The following TRPM3 variants were observed in gnomAD, a reference collection of about 807,000 sequenced individuals.
The protein encoded by TRPM3 is long transient receptor potential channel 3.
In TRPM3, 77 loss-of-function variants were observed where a neutral mutation model predicts 181.2. That is an observed-to-expected ratio of 0.42 (90% CI 0.35 to 0.51). The LOEUF (loss-of-function observed/expected upper bound fraction) is 0.51, where lower values mean the gene tolerates loss of function less well. Among genes scored for constraint, TRPM3 ranks in the 20% least tolerant of loss-of-function variants. The pLI is 0.01. For missense variants in TRPM3, 1,759 were observed against 2,196.7 expected (o/e 0.80, Z 3.98); for synonymous variants, 745 against 796.4 (o/e 0.94, Z 1.09).
chr9:71,271,774 C>T (rs1158665018), intron 1 of TRPM3, among the ~76,000 whole-genome samples: 1 of 152,102 alleles, frequency 6.6e-6, no homozygotes, highest in Non-Finnish European at 1.5e-5. Context: ...ACACAAAGTT[C>T]CAAGCACATG....
At chr9:70,890,128 A>C (rs1390800151) in intron 1 of TRPM3, among the ~76,000 whole-genome samples, 1 of 149,678 alleles carries the variant, frequency 6.7e-6, no homozygotes, top group Non-Finnish European at 1.5e-5. Flanking sequence ...ATACAATAAT[A>C]TAATCAGTAG....
intron 1 of TRPM3, among the ~76,000 whole-genome samples, chr9:70,974,518 G>A (rs527466599): frequency 6.6e-6 from 1 of 150,428 alleles, no homozygotes; most frequent in Non-Finnish European, 1.5e-5. Context: ...CAGCCTGGGC[G>A]ACAGAGCGAG....
At chr9:71,261,513 G>T (rs982410979) in intron 1 of TRPM3, among the ~76,000 whole-genome samples, 1 of 152,120 alleles carries the variant, frequency 6.6e-6, no homozygotes, top group Non-Finnish European at 1.5e-5. Context: ...CCGTCAATTC[G>T]TCAAACTATT....
In TRPM3 at chr9:71,048,830, A is replaced by G. The variant is rs183742917; in HGVS notation, c.177+72348T>C. ...AACCTCACCTGGATGCTGATGTGAG[A>G]GGAATATCTGGATGTATTTCTGTGA... On this transcript the variant is annotated intron_variant, in intron 1 of 25. Transcript: ENST00000677713. 1.2e-4 allele frequency among the ~76,000 whole-genome samples: 19 copies of G among 152,324 alleles called. 1 individual carries two copies. Among genetic ancestry groups the G allele is most frequent in the African/African-American group, 4.1e-4 (17 of 41,570 alleles).
chr9:70,864,682 T>C (rs989816208), intron 1 of TRPM3, among the ~76,000 whole-genome samples, 171 bp from the exon 2 acceptor site: 7 of 151,856 alleles, frequency 4.6e-5, no homozygotes, highest in Non-Finnish European at 7.4e-5. Context: ...TATAACAAAA[T>C]CAATTACTTC....
At chr9:71,367,817 G>A (rs2092384656) in intron 1 of TRPM3, among the ~76,000 whole-genome samples, 1 of 152,162 alleles carries the variant, frequency 6.6e-6, no homozygotes, top group Non-Finnish European at 1.5e-5. Context: ...TTGAGAAACA[G>A]GATACGCAGC....
chr9:70,629,215 C>CGGGTGGCGGGGGG (rs2065250202), intron 12 of TRPM3, among the ~76,000 whole-genome samples: 1 of 10,172 alleles, frequency 9.8e-5, no homozygotes, highest in African/African-American at 2.0e-4. Context: ...TGACCAGTGC[C>CGGGTGGCGGGGGG]GGGGGGGGGG....
chr9:71,048,158 C>A (rs1160175071), intron 1 of TRPM3, among the ~76,000 whole-genome samples: 3 of 152,036 alleles, frequency 2.0e-5, no homozygotes, highest in African/African-American at 7.2e-5. Flanking sequence ...TTGCACCAAC[C>A]AAATATTAAC....
chr9:71,432,773 T>C (rs1198601072), intron 1 of TRPM3, among the ~76,000 whole-genome samples: 3 of 152,198 alleles, frequency 2.0e-5, no homozygotes, highest in Non-Finnish European at 4.4e-5. Flanking sequence ...GACTAGATCC[T>C]ATTCTGAAAC....
Position 70,846,593 on chromosome 9 carries a change from TG to T in TRPM3, c.463-3del. 6.2e-7 allele frequency: 1 copy of T among 1,613,562 alleles called. No individual in the cohort carries two copies. Among genetic ancestry groups the T allele is most frequent in the Non-Finnish European group, 8.5e-7 (1 of 1,179,490 alleles). On this transcript the variant is annotated splice_region_variant and splice_polypyrimidine_tract_variant and intron_variant, in intron 3 of 25. Transcript: ENST00000677713. The stretch of plus-strand genomic sequence containing the variant: ...TGTATCAAAAGATACTCGCACATAC[TG>T]GAAGAAGAAAGGACATCAATTAGGG...
At chr9:70,687,656 AG>A (rs2067328520) in intron 8 of TRPM3, among the ~76,000 whole-genome samples, 1 of 152,228 alleles carries the variant, frequency 6.6e-6, no homozygotes, top group South Asian at 2.1e-4. Context: ...CACGTTGAAG[AG>A]AAGCAAAATC....
At chr9:71,113,388 A>T (rs1245483102) in intron 1 of TRPM3, among the ~76,000 whole-genome samples, 2 of 152,274 alleles carry the variant, frequency 1.3e-5, no homozygotes, top group Non-Finnish European at 2.9e-5. Flanking sequence ...TGAATGGGTG[A>T]TCCTAGCAGT....
At chr9:71,119,256 C>A (rs2073098720) in intron 1 of TRPM3, among the ~76,000 whole-genome samples, 1 of 152,094 alleles carries the variant, frequency 6.6e-6, no homozygotes, top group East Asian at 1.9e-4. Flanking sequence ...TCCATCCTGT[C>A]TTTTAGATAT....
At chr9:71,182,954 G>A (rs915318492) in intron 1 of TRPM3, among the ~76,000 whole-genome samples, 1 of 152,054 alleles carries the variant, frequency 6.6e-6, no homozygotes, top group African/African-American at 2.4e-5. Flanking sequence ...GAGCCACCAT[G>A]CCCAGCGTAT....
At chr9:71,347,408 AT>A (rs1470089540) in intron 1 of TRPM3, among the ~76,000 whole-genome samples, 2 of 151,986 alleles carry the variant, frequency 1.3e-5, no homozygotes, top group Non-Finnish European at 2.9e-5. Context: ...TTGTCCATAG[AT>A]TTTACTTAGT....
chr9:70,923,822 CTCTCTCTATA>C (rs1402235961), intron 1 of TRPM3, among the ~76,000 whole-genome samples: 3 of 140,848 alleles, frequency 2.1e-5, no homozygotes, highest in Non-Finnish European at 3.1e-5. Context: ...CTCTCTCTCT[CTCTCTCTATA>C]TATATATATA....
At chr9:71,318,740 C>T (rs1463651175) in intron 1 of TRPM3, among the ~76,000 whole-genome samples, 2 of 152,078 alleles carry the variant, frequency 1.3e-5, no homozygotes, top group African/African-American at 4.8e-5. Context: ...CTTCTTGAGT[C>T]ACTTAGTGTG....
At chr9:70,745,143 A>G (rs1420233525) in intron 8 of TRPM3, among the ~76,000 whole-genome samples, 1 of 152,122 alleles carries the variant, frequency 6.6e-6, no homozygotes, top group Admixed American at 6.6e-5. Flanking sequence ...TGTTTTTTGC[A>G]TATGTTAACT....
chr9:71,358,883 G>A (rs542271096), intron 1 of TRPM3, among the ~76,000 whole-genome samples: 7 of 152,306 alleles, frequency 4.6e-5, no homozygotes, highest in East Asian at 1.9e-4. Flanking sequence ...GGATGAACAC[G>A]TGTAGCCTAT....
Sources: gnomAD v4.1 joint callset for allele counts (sites outside exome capture counted in the v4.1 genomes callset) on GRCh38, gnomAD v4.1.1 for gene constraint, MANE v1.5 for transcripts, NCBI Gene and HGNC (gene_info 2026-07-23, HGNC 2026-07-21) for gene names.